The following PTPRD variants were observed in gnomAD, a reference collection of about 807,000 sequenced individuals.
The protein encoded by PTPRD is receptor-type tyrosine-protein phosphatase delta.
Under a neutral mutation model 214.5 loss-of-function variants are expected in PTPRD, and 34 were observed. The observed-to-expected ratio is 0.16, with a 90% CI of 0.12 to 0.21. PTPRD has a LOEUF of 0.21. Among genes scored for constraint, PTPRD ranks in the 10% least tolerant of loss-of-function variants. The pLI is 1.00. For missense variants in PTPRD, 2,545 were observed against 2,398.7 expected (o/e 1.06, Z -1.27); for synonymous variants, 1,128 against 845.7 (o/e 1.33, Z -5.79).
intron 2 of PTPRD, among the ~76,000 whole-genome samples, chr9:10,412,806 G>A (rs1201121854): frequency 1.3e-5 from 2 of 151,586 alleles, no homozygotes; most frequent in Non-Finnish European, 2.9e-5. Context: ...TTGCTTCAAC[G>A]TACACAAATC....
chr9:10,089,098 T>G (rs2154196437), intron 3 of PTPRD, among the ~76,000 whole-genome samples: 1 of 151,570 alleles, frequency 6.6e-6, no homozygotes, highest in Non-Finnish European at 1.5e-5. Flanking sequence ...TCCCAGCTAC[T>G]TAGGAGGCTG....
rs184627062 is a variant in PTPRD at position 10,008,613 on chromosome 9, A to G, written c.-472+25105T>C. Among the ~76,000 whole-genome samples, 245 of 151,912 alleles carry G rather than the reference A, an allele frequency of 1.6e-3. 1 individual carries two copies. The highest frequency in any genetic ancestry group is 2.6e-3 in the Non-Finnish European group (174 of 67,804). ...GCATATATATATACTTAGCCAATCC[A>G]TTCAGCATAAATTCCTGTCTCATCC... On this transcript the variant is annotated intron_variant, in intron 4 of 45. Transcript: ENST00000381196.
At chr9:9,726,900 A>C (rs1469636546) in intron 7 of PTPRD, among the ~76,000 whole-genome samples, 1 of 152,184 alleles carries the variant, frequency 6.6e-6, no homozygotes, top group Non-Finnish European at 1.5e-5. Flanking sequence ...GTTAAATAAT[A>C]AGTACAGTGT....
At chr9:10,050,279 G>C (rs887423874) in intron 3 of PTPRD, among the ~76,000 whole-genome samples, 1 of 151,772 alleles carries the variant, frequency 6.6e-6, no homozygotes, top group South Asian at 2.1e-4. Flanking sequence ...ATTATGACTC[G>C]GCCGGGCTCG....
rs550430173 is a variant in PTPRD at position 9,528,349 on chromosome 9, G to A, written c.-237+46383C>T. ...TGTTTCTACCTGTGACAGTAGAAAG[G>A]CCCCATAATACATAGGACCGACATC... On this transcript the variant is annotated intron_variant, in intron 8 of 45. Transcript: ENST00000381196. Among the ~76,000 whole-genome samples the A allele has an allele frequency of 5.3e-5, 8 of 152,200 alleles. No individual in the cohort carries two copies. In the South Asian group the frequency reaches 1.5e-3, roughly 28 times the overall value.
intron 36 of PTPRD, among the ~76,000 whole-genome samples, chr9:8,390,126 C>T (rs946270289): frequency 6.6e-6 from 1 of 152,158 alleles, no homozygotes; most frequent in Non-Finnish European, 1.5e-5. Context: ...AATTGGATGT[C>T]CATCTTCTAC....
intron 3 of PTPRD, among the ~76,000 whole-genome samples, chr9:10,124,401 T>C (rs1198441111): frequency 1.3e-5 from 2 of 152,222 alleles, no homozygotes; most frequent in Non-Finnish European, 2.9e-5. Flanking sequence ...CATTAATCTG[T>C]GGAAGAATAT....
chr9:9,939,828 T>C (rs1438765068), intron 4 of PTPRD, among the ~76,000 whole-genome samples: 2 of 152,178 alleles, frequency 1.3e-5, no homozygotes, highest in African/African-American at 4.8e-5. Context: ...CCCACCAGAA[T>C]TGCTTAATGT....
intron 10 of PTPRD, among the ~76,000 whole-genome samples, chr9:9,131,786 G>C (rs959658793): frequency 1.7e-4 from 26 of 152,316 alleles, no homozygotes; most frequent in African/African-American, 6.3e-4. Context: ...AATTATGAGA[G>C]TTCGATAATA....
At chr9:9,490,601 T>C (rs1057338087) in intron 8 of PTPRD, among the ~76,000 whole-genome samples, 51 of 152,140 alleles carry the variant, frequency 3.4e-4, no homozygotes, top group African/African-American at 1.2e-3. Context: ...AGTGGGGACA[T>C]AGCTTTTAAA....
chr9:9,912,156 G>A (rs957299066), intron 5 of PTPRD, among the ~76,000 whole-genome samples: 2 of 152,022 alleles, frequency 1.3e-5, no homozygotes, highest in Non-Finnish European at 1.5e-5. Flanking sequence ...AGTATATTTA[G>A]AAGTAAAAGT....
chr9:9,009,197 C>T (rs2099496900), intron 11 of PTPRD, among the ~76,000 whole-genome samples: 1 of 151,912 alleles, frequency 6.6e-6, no homozygotes, highest in Non-Finnish European at 1.5e-5. Flanking sequence ...ATTTACAATG[C>T]ACTTTATATA....
At chr9:10,307,401 G>A (rs1209394553) in intron 3 of PTPRD, among the ~76,000 whole-genome samples, 1 of 151,958 alleles carries the variant, frequency 6.6e-6, no homozygotes, top group African/African-American at 2.4e-5. Context: ...TAAATGACAG[G>A]ACTGTGTTCT....
intron 8 of PTPRD, among the ~76,000 whole-genome samples, chr9:9,547,796 T>TCACGCACACACACACACA (rs1716484722): frequency 7.0e-6 from 1 of 142,372 alleles, no homozygotes; most frequent in African/African-American, 2.6e-5. Context: ...AAACACAAAT[T>TCACGCACACACACACACA]CACACACACA....
intron 3 of PTPRD, among the ~76,000 whole-genome samples, chr9:10,082,206 G>A (rs921483945): frequency 6.6e-6 from 1 of 152,166 alleles, no homozygotes; most frequent in South Asian, 2.1e-4. Context: ...AATTAAGTTA[G>A]AATAATAAAC....
chr9:9,026,098 T>G (rs2099586086), intron 10 of PTPRD, among the ~76,000 whole-genome samples: 1 of 150,028 alleles, frequency 6.7e-6, no homozygotes, highest in African/African-American at 2.5e-5. Flanking sequence ...TGGGCAGCAC[T>G]GGGTAATGCT....
intron 2 of PTPRD, among the ~76,000 whole-genome samples, chr9:10,367,647 G>T (rs1056569274): frequency 1.3e-5 from 2 of 152,102 alleles, no homozygotes; most frequent in Non-Finnish European, 2.9e-5. Flanking sequence ...ATGAGAAGGC[G>T]GGGAGAAGAG....
intron 3 of PTPRD, among the ~76,000 whole-genome samples, chr9:10,216,270 T>C (rs1281775333): frequency 1.3e-5 from 2 of 151,878 alleles, no homozygotes; most frequent in African/African-American, 4.8e-5. Flanking sequence ...CTCACTGCAG[T>C]TTCAGTCTTA....
In PTPRD at chr9:8,709,289, C is replaced by T. The variant is rs148504552; in HGVS notation, c.64+24491G>A. 7.9e-5 allele frequency among the ~76,000 whole-genome samples: 12 copies of T among 151,742 alleles called. No individual in the cohort carries two copies. In the South Asian group the frequency reaches 1.0e-3, roughly 13 times the overall value. On this transcript the variant is annotated intron_variant, in intron 12 of 45. Coordinates refer to ENST00000381196, the MANE Select transcript of PTPRD (RefSeq NM_002839.4). ...CAGCACTTTGGGAGGCTGAGGTGGG[C>T]GGATCACGAGGTCAGGAGATCGAGA...
Sources: gnomAD v4.1 joint callset for allele counts (sites outside exome capture counted in the v4.1 genomes callset) on GRCh38, gnomAD v4.1.1 for gene constraint, MANE v1.5 for transcripts, NCBI Gene and HGNC (gene_info 2026-07-23, HGNC 2026-07-21) for gene names.